The following MOXD1 variants were observed in gnomAD, a reference collection of about 807,000 sequenced individuals.
MOXD1 encodes the protein monooxygenase DBH like 1, also known as DBH-like monooxygenase protein 1.
A neutral mutation model predicts 66.6 loss-of-function variants in MOXD1; 62 were observed. The observed-to-expected ratio is 0.93, with a 90% CI of 0.76 to 1.15. MOXD1 has a LOEUF of 1.15. Ranked by LOEUF, MOXD1 falls within the 50% of genes most tolerant of loss-of-function variation. The pLI, the probability that MOXD1 is intolerant of heterozygous loss-of-function variation, is 0.00. For missense variants in MOXD1, 847 were observed against 754.6 expected, an observed-to-expected ratio of 1.12 and a Z score of -1.44; for synonymous variants, 303 against 281.9, an observed-to-expected ratio of 1.07 and a Z score of -0.75.
chr6:132,381,842 T>C (rs1776519193), intron 1 of MOXD1, among the ~76,000 whole-genome samples: 2 of 152,174 alleles, frequency 1.3e-5, no homozygotes, highest in African/African-American at 4.8e-5. Context: ...TGTATAGTAC[T>C]TAACAGATAC....
chr6:132,328,060 T>C lies in MOXD1; in HGVS notation c.899A>G (p.His300Arg). ...GLSLGTPLDP[H>R]YVLLEVHYDN... ...ATAATGGACTTCTAGGAGCACATAATGCGGATCTAATGGAGTGCCAAGGGA... is the reference window on the plus strand; with the variant it reads ...ATAATGGACTTCTAGGAGCACATAACGCGGATCTAATGGAGTGCCAAGGGA... The change falls in exon 6 of 12, where the codon CAT (histidine) becomes CGT (arginine). Residue 300 changes from histidine to arginine, a missense_variant. Transcript: ENST00000367963. 6.2e-7 allele frequency: 1 copy of C among 1,613,962 alleles called. No individual in the cohort carries two copies. Among genetic ancestry groups the C allele is most frequent in the East Asian group, 2.2e-5 (1 of 44,870 alleles).
chr6:132,372,592 T>A lies in MOXD1; in HGVS notation c.663+16A>T, dbSNP rs1290557514. 6.3e-7 allele frequency: 1 copy of A among 1,588,556 alleles called. No homozygotes were observed. The highest frequency in any genetic ancestry group is 1.3e-5 in the African/African-American group (1 of 74,314). On this transcript the variant is annotated intron_variant, in intron 4 of 11. Coordinates refer to ENST00000367963, the MANE Select transcript of MOXD1 (RefSeq NM_015529.4). ...ACTCATGAAAATTAATTTTAGCCTATGAATGAGTCACATACCTTTATTACA... is the reference window on the plus strand; with the variant it reads ...ACTCATGAAAATTAATTTTAGCCTAAGAATGAGTCACATACCTTTATTACA...
intron 4 of MOXD1, among the ~76,000 whole-genome samples, chr6:132,347,251 G>A (rs1010838772): frequency 1.3e-5 from 2 of 152,104 alleles, no homozygotes; most frequent in African/African-American, 4.8e-5. Flanking sequence ...TTCATTCTCC[G>A]GGTGACTGAT....
chr6:132,319,617 T>C (rs1033617540), intron 9 of MOXD1, among the ~76,000 whole-genome samples: 4 of 152,026 alleles, frequency 2.6e-5, no homozygotes, highest in Admixed American at 6.6e-5. Context: ...GTGAGTAATG[T>C]GTTTTGCTTC....
intron 1 of MOXD1, among the ~76,000 whole-genome samples, chr6:132,396,517 A>C (rs568836441): frequency 2.5e-4 from 38 of 151,828 alleles, no homozygotes. Context: ...GTAGGAGAAA[A>C]GAAATAATAA....
intron 1 of MOXD1, among the ~76,000 whole-genome samples, chr6:132,380,149 C>A (rs961196874): frequency 6.6e-6 from 1 of 152,210 alleles, no homozygotes; most frequent in Admixed American, 6.5e-5. Context: ...CCTTTTAGTT[C>A]TATTTCATTT....
At chr6:132,302,579 C>T (rs1000808050) in intron 10 of MOXD1, among the ~76,000 whole-genome samples, 3 of 152,054 alleles carry the variant, frequency 2.0e-5, no homozygotes, top group African/African-American at 7.2e-5. Flanking sequence ...AGTGAAGAGG[C>T]ATACCATGTT....
intron 9 of MOXD1, among the ~76,000 whole-genome samples, chr6:132,317,999 C>G (rs1452607923): frequency 6.6e-6 from 1 of 151,982 alleles, no homozygotes; most frequent in East Asian, 1.9e-4. Flanking sequence ...ATTATTTGTT[C>G]TTCAGATACA....
At chr6:132,379,119 A>G (rs1776458194) in intron 1 of MOXD1, among the ~76,000 whole-genome samples, 1 of 151,700 alleles carries the variant, frequency 6.6e-6, no homozygotes, top group Non-Finnish European at 1.5e-5. Context: ...TATTTCCTTA[A>G]AAATAGAAAT....
chr6:132,301,329 T>G (rs1177624989), intron 10 of MOXD1, among the ~76,000 whole-genome samples: 1 of 151,972 alleles, frequency 6.6e-6, no homozygotes, highest in African/African-American at 2.4e-5. Flanking sequence ...TCTAAGAAGA[T>G]AGCAAAGTTG....
intron 4 of MOXD1, among the ~76,000 whole-genome samples, chr6:132,345,336 C>T (rs1031518258): frequency 4.6e-5 from 7 of 151,950 alleles, no homozygotes; most frequent in African/African-American, 1.7e-4. Flanking sequence ...TCTGTAGGTT[C>T]TTTTTTGTGA....
chr6:132,351,351 G>A (rs1775799622), intron 4 of MOXD1, among the ~76,000 whole-genome samples: 1 of 152,104 alleles, frequency 6.6e-6, no homozygotes, highest in Admixed American at 6.6e-5. Flanking sequence ...TAATCGTAAA[G>A]GGATGCCAGA....
At chr6:132,337,231 T>C (rs909416060) in intron 4 of MOXD1, among the ~76,000 whole-genome samples, 1 of 152,224 alleles carries the variant, frequency 6.6e-6, no homozygotes, top group African/African-American at 2.4e-5. Context: ...TTTCTATTAC[T>C]TGCAAATAAA....
At chr6:132,393,200 G>A (rs183034917) in intron 1 of MOXD1, among the ~76,000 whole-genome samples, 60 of 152,102 alleles carry the variant, frequency 3.9e-4, no homozygotes, top group African/African-American at 1.2e-3. Flanking sequence ...AAAAGGAAAG[G>A]AGAATAAGTA....
chr6:132,302,781 G>A (rs1774570825), intron 10 of MOXD1, among the ~76,000 whole-genome samples: 1 of 152,060 alleles, frequency 6.6e-6, no homozygotes, highest in South Asian at 2.1e-4. Context: ...CAAAGTTTTG[G>A]AGACCTACAT....
intron 1 of MOXD1, chr6:132,392,271 G>A (rs1263344027): frequency 1.2e-6 from 2 of 1,603,338 alleles, no homozygotes; most frequent in Non-Finnish European, 1.7e-6. Context: ...CGCATCACAG[G>A]CCTCAGTTTT....
At chr6:132,307,626 A>T (rs1191457804) in intron 10 of MOXD1, among the ~76,000 whole-genome samples, 1 of 152,158 alleles carries the variant, frequency 6.6e-6, no homozygotes, top group Non-Finnish European at 1.5e-5. Context: ...GAAGTAAAAC[A>T]CTTCTCGGCA....
rs771758982 is a variant in MOXD1 at position 132,401,341 on chromosome 6, G to T, written c.86C>A (p.Thr29Asn). 10 of 1,579,926 alleles carry T rather than the reference G, an allele frequency of 6.3e-6. No homozygotes were observed. Among genetic ancestry groups the T allele is most frequent in the Non-Finnish European group, 8.6e-6 (10 of 1,168,398 alleles). ...GTACTTGCCCTCCGAGTCCAGGAGGGTCCGGTGCGGATAGGTTCGGCCCGA... is the reference window on the plus strand; with the variant it reads ...GTACTTGCCCTCCGAGTCCAGGAGGTTCCGGTGCGGATAGGTTCGGCCCGA... ...GGSGRTYPHR[T>N]LLDSEGKYWL... The change falls in exon 1 of 12, where the codon ACC (threonine) becomes AAC (asparagine). Residue 29 changes from threonine (T) to asparagine (N), a missense_variant. Transcript: ENST00000367963.
At chr6:132,320,060 C>T (rs571158644) in intron 9 of MOXD1, among the ~76,000 whole-genome samples, 37 of 152,208 alleles carry the variant, frequency 2.4e-4, no homozygotes, top group African/African-American at 8.4e-4. Context: ...ATACTACTGG[C>T]CCCTTTTATA....
Sources: allele counts gnomAD v4.1 joint callset (sites outside exome capture counted in the v4.1 genomes callset), GRCh38; gene constraint gnomAD v4.1.1; transcripts MANE v1.5; gene names NCBI Gene and HGNC (gene_info 2026-07-23, HGNC 2026-07-21).